The following GCNT2 variants were observed in gnomAD, a reference collection of about 807,000 sequenced individuals.
GCNT2 encodes N-acetyllactosaminide beta-1,6-N-acetylglucosaminyl-transferase.
A neutral mutation model predicts 34.2 loss-of-function variants in GCNT2; 34 were observed. That is an observed-to-expected ratio of 1.00 (90% CI 0.76 to 1.32). The LOEUF is 1.32. Among genes scored for constraint, GCNT2 ranks in the 40% most tolerant of loss-of-function variants. GCNT2 has a pLI of 0.00. For missense variants in GCNT2, 584 were observed against 489.4 expected (o/e 1.19, Z -1.82); for synonymous variants, 212 against 188.0 (o/e 1.13, Z -1.04).
chr6:10,531,040 CAAAAAAA>C (rs568195630), intron 3 of GCNT2, among the ~76,000 whole-genome samples: 1 of 95,800 alleles, frequency 1.0e-5, no homozygotes. Context: ...GACTCTGTCT[CAAAAAAA>C]AAAAAAAAAA....
intron 3 of GCNT2, among the ~76,000 whole-genome samples, chr6:10,574,478 G>A (rs1763700551): frequency 6.6e-6 from 1 of 152,178 alleles, no homozygotes; most frequent in South Asian, 2.1e-4. Context: ...TAAAGGGGGT[G>A]TGGGTAGAAG....
intron 3 of GCNT2, chr6:10,556,466 A>G: frequency 6.2e-7 from 1 of 1,614,072 alleles, no homozygotes; most frequent in East Asian, 2.2e-5. Flanking sequence ...TTCTGTCTCT[A>G]GTGTAATTAT....
chr6:10,573,986 C>T (rs1763672836), intron 3 of GCNT2, among the ~76,000 whole-genome samples: 1 of 152,192 alleles, frequency 6.6e-6, no homozygotes, highest in Non-Finnish European at 1.5e-5. Context: ...CCCAGATGAG[C>T]CAGGTTTGGC....
At chr6:10,575,353 T>C (rs1181954844) in intron 3 of GCNT2, 1 of 163,638 alleles carries the variant, frequency 6.1e-6, no homozygotes, top group Non-Finnish European at 1.3e-5. Flanking sequence ...AAAGGCTGGG[T>C]TGACATTTTT....
At chr6:10,589,095 T>C (rs1764503891) in intron 3 of GCNT2, among the ~76,000 whole-genome samples, 1 of 118,258 alleles carries the variant, frequency 8.5e-6, no homozygotes, top group African/African-American at 2.8e-5. Context: ...TAGTGTGGTG[T>C]GTGTGTAGTG....
At chr6:10,579,809 C>A (rs1329433996) in intron 3 of GCNT2, among the ~76,000 whole-genome samples, 1 of 132,532 alleles carries the variant, frequency 7.5e-6, no homozygotes, top group Admixed American at 9.1e-5. Context: ...GAGCGAGACT[C>A]CATCTCAAAA....
At chr6:10,591,421 G>T (rs1314574595) in intron 3 of GCNT2, among the ~76,000 whole-genome samples, 1 of 152,180 alleles carries the variant, frequency 6.6e-6, no homozygotes, top group Admixed American at 6.5e-5. Context: ...GCCAACAAAT[G>T]ATATCAGTAA....
chr6:10,573,940 A>G (rs574785785), intron 3 of GCNT2, among the ~76,000 whole-genome samples: 1 of 152,350 alleles, frequency 6.6e-6, no homozygotes, highest in Admixed American at 6.5e-5. Flanking sequence ...CTGCTTCACT[A>G]AACCTACCCT....
chr6:10,600,760 TTTTA>T (rs201018706), intron 3 of GCNT2, among the ~76,000 whole-genome samples: 1 of 151,950 alleles, frequency 6.6e-6, no homozygotes, highest in Non-Finnish European at 1.5e-5. Context: ...GCAGTTTTAT[TTTTA>T]TTTATTTATT....
intron 3 of GCNT2, among the ~76,000 whole-genome samples, chr6:10,604,474 C>T (rs993682442): frequency 2.5e-4 from 38 of 152,122 alleles, no homozygotes; most frequent in African/African-American, 8.9e-4. Context: ...ATCTCCAAGA[C>T]TTAAAGAAAG....
chr6:10,592,226 TC>T (rs1331193286), intron 3 of GCNT2, among the ~76,000 whole-genome samples: 2 of 152,218 alleles, frequency 1.3e-5, no homozygotes, highest in South Asian at 2.1e-4. Flanking sequence ...AACAGATACT[TC>T]CATAGGTTCG....
intron 3 of GCNT2, chr6:10,585,749 C>T: frequency 7.1e-7 from 1 of 1,402,558 alleles, no homozygotes; most frequent in Non-Finnish European, 9.3e-7. Context: ...GGGATTCAAC[C>T]CTGGGGAACT....
intron 3 of GCNT2, among the ~76,000 whole-genome samples, chr6:10,565,349 C>T (rs1763228437): frequency 6.6e-6 from 1 of 152,104 alleles, no homozygotes; most frequent in South Asian, 2.1e-4. Context: ...CTGTGGAGTC[C>T]TAATTAGGGA....
chr6:10,596,148 CTT>C (rs891405603), intron 3 of GCNT2, among the ~76,000 whole-genome samples: 1 of 152,094 alleles, frequency 6.6e-6, no homozygotes, highest in Non-Finnish European at 1.5e-5. Context: ...TTTTCTTTTT[CTT>C]TGTTTTTCAG....
chr6:10,549,966 A>G (rs1035854092), intron 3 of GCNT2, among the ~76,000 whole-genome samples: 4 of 152,126 alleles, frequency 2.6e-5, no homozygotes, highest in African/African-American at 7.2e-5. Flanking sequence ...TTAGTTTTCC[A>G]TAGTAAATTT....
At chr6:10,602,017 G>C (rs998554128) in intron 3 of GCNT2, among the ~76,000 whole-genome samples, 11 of 151,810 alleles carry the variant, frequency 7.2e-5, no homozygotes, top group African/African-American at 2.7e-4. Flanking sequence ...AACTGCCACT[G>C]CAGTCCCTAA....
intron 3 of GCNT2, among the ~76,000 whole-genome samples, chr6:10,569,855 CTTTCTCTTTCTT>C (rs879269984): frequency 1.2e-4 from 18 of 145,906 alleles, no homozygotes; most frequent in Admixed American, 3.4e-4. Context: ...CTTTCTCTTT[CTTTCTCTTTCTT>C]TCTTTCTTTC....
intron 3 of GCNT2, among the ~76,000 whole-genome samples, chr6:10,601,966 A>C (rs1765110175): frequency 6.6e-6 from 1 of 151,284 alleles, no homozygotes. Context: ...AAAAACAAAA[A>C]AAACACTAAA....
chr6:10,583,705 G>T (rs1764219706), intron 3 of GCNT2, among the ~76,000 whole-genome samples: 1 of 152,184 alleles, frequency 6.6e-6, no homozygotes, highest in African/African-American at 2.4e-5. Context: ...TGGAGAGGGG[G>T]TTGGGTGGGA....
Sources: gnomAD v4.1 joint callset for allele counts (sites outside exome capture counted in the v4.1 genomes callset) on GRCh38, gnomAD v4.1.1 for gene constraint, MANE v1.5 for transcripts, NCBI Gene and HGNC (gene_info 2026-07-23, HGNC 2026-07-21) for gene names.